The following CADM2 variants were observed in gnomAD, a reference collection of about 807,000 sequenced individuals.
CADM2 encodes cell adhesion molecule 2.
CADM2 carries 12 observed loss-of-function variants against 49.8 expected under a neutral mutation model. The observed-to-expected ratio is 0.24, with a 90% confidence interval of 0.15 to 0.39. The LOEUF (loss-of-function observed/expected upper bound fraction) is 0.39. Ranked by LOEUF, CADM2 falls within the 10% of genes least tolerant of loss-of-function variation. CADM2 has a pLI of 1.00. For synonymous variants in CADM2, 214 were observed against 175.4 expected, an observed-to-expected ratio of 1.22 and a Z score of -1.74; for missense variants, 378 against 492.3, an observed-to-expected ratio of 0.77 and a Z score of 2.20.
intron 1 of CADM2, among the ~76,000 whole-genome samples, chr3:85,448,260 A>G (rs1315487477): frequency 6.6e-6 from 1 of 150,636 alleles, no homozygotes; most frequent in Non-Finnish European, 1.5e-5. Flanking sequence ...GAGAACCCGG[A>G]AGGCGGAGCT....
intron 3 of CADM2, among the ~76,000 whole-genome samples, chr3:85,874,757 T>C (rs182168559): frequency 1.3e-3 from 202 of 152,184 alleles, no homozygotes; most frequent in African/African-American, 4.5e-3. Flanking sequence ...CCTAGGGAAA[T>C]ACTGTGTTTT....
At chr3:84,974,772 ATTAC>A (rs2031703407) in intron 1 of CADM2, among the ~76,000 whole-genome samples, 1 of 151,956 alleles carries the variant, frequency 6.6e-6, no homozygotes, top group African/African-American at 2.4e-5. Context: ...ATCACACTTT[ATTAC>A]TTACCTCATT....
At chr3:85,659,175 G>A (rs1274104836) in intron 1 of CADM2, among the ~76,000 whole-genome samples, 2 of 151,552 alleles carry the variant, frequency 1.3e-5, no homozygotes, top group African/African-American at 2.4e-5. Flanking sequence ...TCCTGTCTGT[G>A]TCTTACACTC....
At chr3:85,370,142 G>A (rs187667309) in intron 1 of CADM2, among the ~76,000 whole-genome samples, 1,559 of 151,036 alleles carry the variant, frequency 0.01, 23 homozygotes, top group Non-Finnish European at 0.018. Flanking sequence ...GAAACCGGGA[G>A]GGAGAGGTTG....
intron 1 of CADM2, among the ~76,000 whole-genome samples, chr3:84,992,430 ACC>A (rs1162901863): frequency 1.3e-5 from 2 of 152,092 alleles, no homozygotes; most frequent in East Asian, 3.9e-4. Context: ...AGAGATCGTG[ACC>A]ATCCTGGCCA....
chr3:85,553,283 GAT>G (rs1491037343), intron 1 of CADM2, among the ~76,000 whole-genome samples: 1 of 93,006 alleles, frequency 1.1e-5, no homozygotes, highest in African/African-American at 3.0e-5. Context: ...AGGTACTCTA[GAT>G]CTAGTTTATT....
intron 1 of CADM2, among the ~76,000 whole-genome samples, chr3:85,602,745 A>G (rs2063444527): frequency 6.6e-6 from 1 of 151,846 alleles, no homozygotes; most frequent in Non-Finnish European, 1.5e-5. Flanking sequence ...AGATGAGCAT[A>G]GGCAGTTTTA....
chr3:85,073,410 T>C (rs1387689207), intron 1 of CADM2, among the ~76,000 whole-genome samples: 3 of 152,152 alleles, frequency 2.0e-5, no homozygotes, highest in African/African-American at 7.2e-5. Flanking sequence ...GTACATACAG[T>C]ATACATCTAT....
chr3:85,618,431 T>C (rs1482140921), intron 1 of CADM2, among the ~76,000 whole-genome samples: 3 of 152,140 alleles, frequency 2.0e-5, no homozygotes, highest in African/African-American at 7.2e-5. Flanking sequence ...AAAAAAAAGA[T>C]AGAAGATGTT....
At chr3:85,898,945 A>G (rs1269040611) in intron 5 of CADM2, among the ~76,000 whole-genome samples, 1 of 52,940 alleles carries the variant, frequency 1.9e-5, no homozygotes, top group African/African-American at 8.1e-5. Context: ...GTGTATATAT[A>G]TATATATATA....
intron 1 of CADM2, among the ~76,000 whole-genome samples, chr3:84,962,893 T>C (rs1189709490): frequency 1.3e-5 from 2 of 152,210 alleles, no homozygotes; most frequent in Non-Finnish European, 2.9e-5. Flanking sequence ...TTTTACCTTT[T>C]TTCTGGGAAG....
chr3:85,002,962 A>G (rs1442343427), intron 1 of CADM2, among the ~76,000 whole-genome samples: 1 of 151,796 alleles, frequency 6.6e-6, no homozygotes, highest in African/African-American at 2.4e-5. Flanking sequence ...ATTTTATTTT[A>G]CTACTTTTTC....
chr3:85,358,146 T>A (rs1382056280), intron 1 of CADM2, among the ~76,000 whole-genome samples: 1 of 152,110 alleles, frequency 6.6e-6, no homozygotes, highest in Non-Finnish European at 1.5e-5. Flanking sequence ...GCAAATTGTA[T>A]AATGAATGCT....
At chr3:85,636,427 A>C (rs1231157076) in intron 1 of CADM2, among the ~76,000 whole-genome samples, 1 of 152,194 alleles carries the variant, frequency 6.6e-6, no homozygotes, top group Non-Finnish European at 1.5e-5. Flanking sequence ...AGTTTATTTC[A>C]AGCAATGTGT....
chr3:85,998,119 A>G (rs970321301), intron 8 of CADM2, among the ~76,000 whole-genome samples: 1 of 152,148 alleles, frequency 6.6e-6, no homozygotes, highest in African/African-American at 2.4e-5. Flanking sequence ...CAGACATAGA[A>G]GGTGTTGGTA....
intron 8 of CADM2, among the ~76,000 whole-genome samples, chr3:86,004,185 C>T (rs1484417880): frequency 6.6e-6 from 1 of 152,102 alleles, no homozygotes; most frequent in Non-Finnish European, 1.5e-5. Context: ...TTTCCTTATA[C>T]CTTTATTTTT....
chr3:85,524,829 C>T (rs1446884446), intron 1 of CADM2, among the ~76,000 whole-genome samples: 1 of 152,152 alleles, frequency 6.6e-6, no homozygotes, highest in Non-Finnish European at 1.5e-5. Context: ...CTCAATATTA[C>T]ATGTGTAAAT....
At chr3:85,985,714 T>C (rs2108682945) in intron 8 of CADM2, among the ~76,000 whole-genome samples, 1 of 152,152 alleles carries the variant, frequency 6.6e-6, no homozygotes, top group East Asian at 1.9e-4. Context: ...AACATTGCTT[T>C]CTGAAAGATC....
chr3:85,637,495 G>A (rs1287018728), intron 1 of CADM2, among the ~76,000 whole-genome samples: 1 of 148,692 alleles, frequency 6.7e-6, no homozygotes, highest in Non-Finnish European at 1.5e-5. Context: ...CCAGCTACTC[G>A]GGAGGCTGAG....
Sources: gnomAD v4.1 joint callset for allele counts (sites outside exome capture counted in the v4.1 genomes callset) on GRCh38, gnomAD v4.1.1 for gene constraint, MANE v1.5 for transcripts, NCBI Gene and HGNC (gene_info 2026-07-23, HGNC 2026-07-21) for gene names.